Variants in RBPMS observed in about 807,000 individuals in gnomAD.
RBPMS encodes the protein RNA-binding protein with multiple splicing.
A neutral mutation model predicts 26.8 loss-of-function variants in RBPMS; 7 were observed. The observed-to-expected ratio is 0.26, with a 90% CI of 0.15 to 0.49. The LOEUF is 0.49. Among genes scored for constraint, RBPMS ranks in the 20% least tolerant of loss-of-function variants. The pLI is 0.98. For missense variants in RBPMS, 186 were observed against 250.0 expected (o/e 0.74, Z 1.73); for synonymous variants, 96 against 93.3 (o/e 1.03, Z -0.17).
At chr8:30,526,271 C>T (rs1039551674) in intron 5 of RBPMS, among the ~76,000 whole-genome samples, 3 of 152,186 alleles carry the variant, frequency 2.0e-5, no homozygotes. Context: ...GCTTAGAGAG[C>T]CCAATTTCTG....
Position 30,385,085 on chromosome 8 carries a change from C to A in RBPMS, c.-8C>A. ...CCCTGCCCGGCCCGGCGAGGAAGGA[C>A]CGGGAAGATGAACAACGGCGGCAAA... On this transcript the variant is annotated 5_prime_UTR_variant, in exon 1 of 9. Transcript: ENST00000397323. The A allele has an allele frequency of 6.6e-7, 1 of 1,516,768 alleles. No homozygotes were observed. Among genetic ancestry groups the A allele is most frequent in the Admixed American group, 2.1e-5 (1 of 46,856 alleles). The allele number at this position is 1,516,768 out of a possible 1,614,324, so 94.0% of individuals were successfully genotyped here. A position where few individuals can be genotyped will look rare whatever the true frequency, so the allele number is the denominator to read the frequency against.
At chr8:30,442,246 T>C (rs1193072141) in intron 1 of RBPMS, among the ~76,000 whole-genome samples, 1 of 152,196 alleles carries the variant, frequency 6.6e-6, no homozygotes, top group Non-Finnish European at 1.5e-5. Flanking sequence ...CTGTGCTAGA[T>C]GTTCCCTCTG....
Position 30,529,551 on chromosome 8 carries a change from A to G in RBPMS, c.398-14943A>G, listed in dbSNP as rs140775315. ...AACAAAAAAACAACTCTAACCATTAAGCTGTAACTCCCCATTCCCTCCTTT... is the reference window on the plus strand; with the variant it reads ...AACAAAAAAACAACTCTAACCATTAGGCTGTAACTCCCCATTCCCTCCTTT... On this transcript the variant is annotated intron_variant, in intron 5 of 8. Coordinates refer to ENST00000397323, the MANE Select transcript of RBPMS (RefSeq NM_001008710.3). Among the ~76,000 whole-genome samples the G allele has an allele frequency of 3.8e-3, 585 of 152,182 alleles. 7 individuals are homozygous for G. Among genetic ancestry groups the G allele is most frequent in the African/African-American group, 0.014 (562 of 41,504 alleles).
chr8:30,482,979 G>A (rs1222206272), intron 4 of RBPMS, among the ~76,000 whole-genome samples: 6 of 152,132 alleles, frequency 3.9e-5, no homozygotes, highest in Admixed American at 3.3e-4. Flanking sequence ...ATTTTTAAAC[G>A]GGACACAGGA....
intron 1 of RBPMS, chr8:30,387,008 G>T (rs1008522449): frequency 6.6e-6 from 1 of 152,090 alleles, no homozygotes; most frequent in Non-Finnish European, 1.5e-5. Context: ...GTTCCTGGAC[G>T]CTCCTCCGTC....
At chr8:30,429,656 T>A (rs888201922) in intron 1 of RBPMS, among the ~76,000 whole-genome samples, 2 of 152,212 alleles carry the variant, frequency 1.3e-5, no homozygotes, top group Admixed American at 6.5e-5. Flanking sequence ...AAAATCCCTG[T>A]CATTGACTTC....
chr8:30,553,917 C>T (rs1299869185), intron 6 of RBPMS, among the ~76,000 whole-genome samples: 3 of 152,160 alleles, frequency 2.0e-5, no homozygotes, highest in African/African-American at 7.2e-5. Flanking sequence ...GCTGGGACTA[C>T]AGGCGCACAC....
chr8:30,433,137 AT>A (rs1476171083), intron 1 of RBPMS, among the ~76,000 whole-genome samples: 2 of 152,204 alleles, frequency 1.3e-5, no homozygotes, highest in African/African-American at 4.8e-5. Flanking sequence ...CAGCAATATA[AT>A]TCTACCGTTT....
At chr8:30,440,884 C>G (rs1025230252) in intron 1 of RBPMS, among the ~76,000 whole-genome samples, 3 of 151,560 alleles carry the variant, frequency 2.0e-5, no homozygotes, top group Non-Finnish European at 2.9e-5. Flanking sequence ...GCCTCAAACT[C>G]TTGGGCTCAA....
At chr8:30,449,783 C>T (rs973297256) in intron 1 of RBPMS, among the ~76,000 whole-genome samples, 3 of 152,266 alleles carry the variant, frequency 2.0e-5, no homozygotes, top group African/African-American at 7.2e-5. Context: ...TCCTATGAGG[C>T]TTGAGGCCAG....
chr8:30,558,760 C>T, intron 6 of RBPMS, 127 bp from the exon 7 acceptor site: 2 of 797,966 alleles, frequency 2.5e-6, no homozygotes, highest in South Asian at 2.8e-5. Flanking sequence ...GGAAGAGGCC[C>T]TCACAGGCTA....
At chr8:30,460,519 C>G (rs1001035749) in intron 1 of RBPMS, among the ~76,000 whole-genome samples, 2 of 152,114 alleles carry the variant, frequency 1.3e-5, no homozygotes, top group Admixed American at 6.5e-5. Flanking sequence ...GCTTGACACT[C>G]TTAGTCTTTT....
chr8:30,504,322 C>T lies in RBPMS; in HGVS notation c.283C>T (p.Arg95Ter), dbSNP rs1820867900. 1.9e-6 allele frequency: 3 copies of T among 1,614,016 alleles called. No individual in the cohort carries two copies. Among genetic ancestry groups the T allele is most frequent in the Non-Finnish European group, 1.7e-6 (2 of 1,179,972 alleles). ...RFDPEIPQTL[R>*]LEFAKANTKM... ...CGATCCTGAAATTCCGCAAACACTA[C>T]GACTAGAGTTTGCTAAGGCAAACAC... The change falls in exon 5 of 9, where the codon CGA becomes TGA. Residue 95 changes from arginine to a stop codon, truncating the protein, a stop_gained. Coordinates refer to ENST00000397323, the MANE Select transcript of RBPMS (RefSeq NM_001008710.3). LOFTEE classifies it high-confidence loss of function.
At chr8:30,524,347 AT>A (rs1223528614) in intron 5 of RBPMS, among the ~76,000 whole-genome samples, 2 of 152,196 alleles carry the variant, frequency 1.3e-5, no homozygotes, top group Non-Finnish European at 2.9e-5. Context: ...CTGTATGAAG[AT>A]TATACCAATG....
At chr8:30,445,109 G>C (rs1310240012) in intron 1 of RBPMS, 4 of 152,100 alleles carry the variant, frequency 2.6e-5, no homozygotes, top group Admixed American at 1.3e-4. Flanking sequence ...TGAAAGTCTA[G>C]TGATCTGGTA....
chr8:30,409,063 A>G (rs1404596680), intron 1 of RBPMS, among the ~76,000 whole-genome samples: 2 of 152,104 alleles, frequency 1.3e-5, no homozygotes, highest in African/African-American at 4.8e-5. Context: ...CATTGTATGG[A>G]TGTGCCATGT....
At chr8:30,419,923 G>A (rs1386042848) in intron 1 of RBPMS, among the ~76,000 whole-genome samples, 1 of 152,134 alleles carries the variant, frequency 6.6e-6, no homozygotes, top group Admixed American at 6.5e-5. Context: ...GCATTCTGAA[G>A]GACAGAAAAG....
At chr8:30,523,729 G>C (rs191677673) in intron 5 of RBPMS, among the ~76,000 whole-genome samples, 2 of 151,998 alleles carry the variant, frequency 1.3e-5, no homozygotes, top group Admixed American at 6.6e-5. Flanking sequence ...GACACATTTT[G>C]TGTTCTCATA....
chr8:30,559,060 C>CTTA lies in RBPMS; in HGVS notation c.*7+106_*7+108dup, dbSNP rs1347317360. Reference sequence around the variant, plus strand: ...TCTCCTCCTTTCTCTGCACCCACACCTTATGCACCTCCTTTGTCCATCTTT... The same window carrying CTTA: ...TCTCCTCCTTTCTCTGCACCCACACCTTATTATGCACCTCCTTTGTCCATCTTT... On this transcript the variant is annotated intron_variant, in intron 7 of 8. Coordinates refer to ENST00000397323, the MANE Select transcript of RBPMS (RefSeq NM_001008710.3). 7 of 871,614 alleles carry CTTA rather than the reference C, an allele frequency of 8.0e-6. No homozygotes were observed. The Admixed American group carries it at 1.3e-4, about 16-fold the overall frequency. The allele number at this position is 871,614 out of a possible 1,614,324, so 54.0% of individuals were successfully genotyped here. A position where few individuals can be genotyped will look rare whatever the true frequency, so the allele number is the denominator to read the frequency against.
Sources: allele counts gnomAD v4.1 joint callset (sites outside exome capture counted in the v4.1 genomes callset), GRCh38; gene constraint gnomAD v4.1.1; transcripts MANE v1.5; gene names NCBI Gene and HGNC (gene_info 2026-07-23, HGNC 2026-07-21).